Variants in MGAT4C observed in about 807,000 individuals in gnomAD.
MGAT4C encodes the protein MGAT4 family member C.
MGAT4C carries 19 observed loss-of-function variants against 40.1 expected under a neutral mutation model. The ratio of observed to expected loss-of-function variants is 0.47; its 90% CI spans 0.33 to 0.70. The LOEUF is 0.70. Ranked by LOEUF, MGAT4C falls within the 30% of genes least tolerant of loss-of-function variation. The probability of loss-of-function intolerance (pLI) is 0.02; values close to 1 mark genes in which losing one functional copy is unlikely to be tolerated. For missense variants in MGAT4C, 491 were observed against 563.2 expected (o/e 0.87, Z 1.30); for synonymous variants, 181 against 187.1 (o/e 0.97, Z 0.27).
chr12:86,111,092 A>G (rs1877309498), intron 1 of MGAT4C, among the ~76,000 whole-genome samples: 1 of 151,830 alleles, frequency 6.6e-6, no homozygotes, highest in African/African-American at 2.4e-5. Flanking sequence ...AGTAACTTTT[A>G]TAGTTTTTAA....
chr12:86,706,036 A>G (rs1950450103), intron 2 of MGAT4C, among the ~76,000 whole-genome samples: 1 of 152,176 alleles, frequency 6.6e-6, no homozygotes, highest in South Asian at 2.1e-4. Context: ...TGATCCTACA[A>G]CAAGGTCCAT....
At chr12:86,690,142 A>G (rs1008551405) in intron 2 of MGAT4C, among the ~76,000 whole-genome samples, 10 of 152,166 alleles carry the variant, frequency 6.6e-5, no homozygotes, top group African/African-American at 1.9e-4. Context: ...CTGAAGCCTC[A>G]GTAATGGCTG....
At chr12:86,278,575 T>C (rs183169945) in intron 4 of MGAT4C, among the ~76,000 whole-genome samples, 2 of 152,292 alleles carry the variant, frequency 1.3e-5, no homozygotes, top group Admixed American at 6.5e-5. Flanking sequence ...ACTGAATTTG[T>C]TTATCAGTTC....
chr12:86,641,953 A>G (rs1963403236), intron 2 of MGAT4C, among the ~76,000 whole-genome samples: 1 of 151,862 alleles, frequency 6.6e-6, no homozygotes. Context: ...TAATTTTGAT[A>G]AAGTGTTATG....
chr12:86,547,115 T>A (rs1336214747), intron 2 of MGAT4C, among the ~76,000 whole-genome samples: 5 of 152,080 alleles, frequency 3.3e-5, no homozygotes, highest in African/African-American at 1.2e-4. Flanking sequence ...ATGTTTTATT[T>A]TTATTTTGCT....
intron 1 of MGAT4C, among the ~76,000 whole-genome samples, chr12:86,055,012 A>G (rs1457705084): frequency 3.3e-5 from 5 of 152,006 alleles, no homozygotes; most frequent in African/African-American, 1.2e-4. Context: ...ATTATTTAAC[A>G]TCTTTCTGAT....
chr12:86,242,913 A>C (rs888511906), intron 1 of MGAT4C, among the ~76,000 whole-genome samples: 1 of 152,194 alleles, frequency 6.6e-6, no homozygotes, highest in Non-Finnish European at 1.5e-5. Flanking sequence ...AACAGAGCCC[A>C]GGAACAAGAC....
At chr12:86,338,265 G>A (rs55820226) in intron 3 of MGAT4C, among the ~76,000 whole-genome samples, 14,495 of 152,076 alleles carry the variant, frequency 0.095, 833 homozygotes, top group Middle Eastern at 0.22. Context: ...GTCTCTTCCC[G>A]CTGAGTCAGT....
chr12:86,249,522 T>A (rs2136070212), intron 1 of MGAT4C, among the ~76,000 whole-genome samples: 1 of 152,290 alleles, frequency 6.6e-6, no homozygotes, highest in East Asian at 1.9e-4. Context: ...GTGATCCATC[T>A]CATCACAGCC....
chr12:86,305,786 TAC>T (rs1286609201), intron 4 of MGAT4C, among the ~76,000 whole-genome samples: 1 of 150,574 alleles, frequency 6.6e-6, no homozygotes, highest in Non-Finnish European at 1.5e-5. Context: ...GCTGTATTAT[TAC>T]ATTTGTAATT....
At chr12:86,294,283 TTC>T (rs1021980760) in intron 4 of MGAT4C, among the ~76,000 whole-genome samples, 4 of 152,178 alleles carry the variant, frequency 2.6e-5, no homozygotes, top group East Asian at 3.9e-4. Flanking sequence ...TCTAATTAAA[TTC>T]TTTCATGTCT....
At chr12:86,474,109 T>A (rs1309124274) in intron 2 of MGAT4C, among the ~76,000 whole-genome samples, 1 of 151,962 alleles carries the variant, frequency 6.6e-6, no homozygotes, top group East Asian at 1.9e-4. Flanking sequence ...TAGCAAAGAC[T>A]TGGAACCAAC....
intron 1 of MGAT4C, among the ~76,000 whole-genome samples, chr12:86,241,412 A>G (rs1435013820): frequency 6.6e-6 from 1 of 152,176 alleles, no homozygotes; most frequent in Non-Finnish European, 1.5e-5. Flanking sequence ...CTGAATTCTA[A>G]TGTAAAAAAG....
At chr12:86,020,200 C>T (rs56040315) in intron 2 of MGAT4C, among the ~76,000 whole-genome samples, 25,635 of 151,980 alleles carry the variant, frequency 0.17, 2,504 homozygotes, top group African/African-American at 0.28. Context: ...TCCTGCCTGA[C>T]TGCCCTGACC....
chr12:86,045,278 C>T (rs1416825516), intron 2 of MGAT4C, among the ~76,000 whole-genome samples: 3 of 152,142 alleles, frequency 2.0e-5, no homozygotes, highest in Admixed American at 6.5e-5. Flanking sequence ...TACATTGCAG[C>T]GATTGGCTGG....
chr12:86,714,824 A>C (rs537168850), intron 2 of MGAT4C, among the ~76,000 whole-genome samples: 1 of 152,190 alleles, frequency 6.6e-6, no homozygotes, highest in East Asian at 1.9e-4. Context: ...GAAAGAATTA[A>C]AGTAGGAAGG....
intron 2 of MGAT4C, among the ~76,000 whole-genome samples, chr12:86,636,519 G>C (rs1963224071): frequency 6.6e-6 from 1 of 151,858 alleles, no homozygotes; most frequent in Non-Finnish European, 1.5e-5. Flanking sequence ...ATCATGATGG[G>C]ATTAGTACCT....
chr12:86,112,174 A>C (rs1299586365), intron 1 of MGAT4C, among the ~76,000 whole-genome samples: 1 of 151,746 alleles, frequency 6.6e-6, no homozygotes, highest in Non-Finnish European at 1.5e-5. Flanking sequence ...TATTGAAGTG[A>C]GATTCAGGTT....
chr12:86,618,185 G>C (rs182302915), intron 2 of MGAT4C, among the ~76,000 whole-genome samples: 1 of 149,410 alleles, frequency 6.7e-6, no homozygotes, highest in South Asian at 2.1e-4. Context: ...ATAACTAATG[G>C]TGGCAAAGAT....
Sources: allele counts gnomAD v4.1 joint callset (sites outside exome capture counted in the v4.1 genomes callset), GRCh38; gene constraint gnomAD v4.1.1; transcripts MANE v1.5; gene names NCBI Gene and HGNC (gene_info 2026-07-23, HGNC 2026-07-21).